Variants in IQCF2 observed in about 807,000 individuals in gnomAD.
IQCF2 encodes IQ motif containing F2.
Under a neutral mutation model 7.0 loss-of-function variants are expected in IQCF2, and 6 were observed. That is an observed-to-expected ratio of 0.86 (90% CI 0.47 to 1.70). The LOEUF (loss-of-function observed/expected upper bound fraction) is 1.70. IQCF2 is among the 40% of genes most tolerant of loss of function. IQCF2 has a pLI of 0.01. For missense variants in IQCF2, 174 were observed against 204.6 expected (o/e 0.85, Z 0.91); for synonymous variants, 67 against 74.0 (o/e 0.91, Z 0.48).
At position 51,862,972 on chromosome 3, in the gene IQCF2, CTT is replaced by C. The variant is rs1305002451; in HGVS notation, c.112-14_112-13del. ...GCAGGAAGTTTTCTGACTGATCGCT[CTT>C]GTCTCTGCCTAGGAAAAACTTAGAA... On this transcript the variant is annotated splice_polypyrimidine_tract_variant and intron_variant, in intron 2 of 2. Coordinates refer to ENST00000333127, the MANE Select transcript of IQCF2 (RefSeq NM_203424.2). 6.3e-7 allele frequency: 1 copy of C among 1,589,256 alleles called. No individual in the cohort carries two copies.
Position 51,863,344 on chromosome 3 carries a change from T to C in IQCF2, c.469T>C (p.Phe157Leu). Reference sequence around the variant, plus strand: ...TGTGGTCACAGCCACTCACCTGCAGTTCCACATTGAGATCATCAACTCCTA... The same window carrying C: ...TGTGGTCACAGCCACTCACCTGCAGCTCCACATTGAGATCATCAACTCCTA... Reference protein sequence around the residue: ...HCVVTATHLQFHIEIINS With the variant: ...HCVVTATHLQLHIEIINS The change falls in exon 3 of 3, where the codon TTC (phenylalanine) becomes CTC (leucine). Residue 157 changes from phenylalanine (F) to leucine (L), a missense_variant. Physicochemically the swap from Phe to Leu is conservative, Grantham distance 22. Coordinates refer to ENST00000333127, the MANE Select transcript of IQCF2 (RefSeq NM_203424.2). The C allele has an allele frequency of 1.9e-6, 3 of 1,613,960 alleles. No individual in the cohort carries two copies. Among genetic ancestry groups the C allele is most frequent in the East Asian group, 2.2e-5 (1 of 44,876 alleles).
rs1356108452 is a variant in IQCF2 at position 51,861,948 on chromosome 3, A to T, written c.109A>T (p.Lys37Ter). Residue 37 changes from lysine (K) to a stop codon, truncating the protein, a stop_gained and splice_region_variant, in exon 2 of 3, where the codon AAG becomes TAG. Coordinates refer to ENST00000333127, the MANE Select transcript of IQCF2 (RefSeq NM_203424.2). LOFTEE classifies it low-confidence loss of function (END_TRUNC). The stretch of plus-strand genomic sequence containing the variant: ...GCAGAAGAAGAAACAGCAGAAAATC[A>T]AGGTGAGAAGAATTCCATGTACTTA... Reference protein sequence around the residue: ...TLQKKKQQKIKEKLRIRTKAA... With the variant: ...TLQKKKQQKI The T allele has an allele frequency of 1.9e-6, 3 of 1,607,338 alleles. No homozygotes were observed. The highest frequency in any genetic ancestry group is 2.6e-6 in the Non-Finnish European group (3 of 1,173,976).
rs375750221 is a variant in IQCF2 at position 51,862,967 on chromosome 3, T to C, written c.112-20T>C. ...TGGTGGCAGGAAGTTTTCTGACTGA[T>C]CGCTCTTGTCTCTGCCTAGGAAAAA... On this transcript the variant is annotated intron_variant, in intron 2 of 2. Transcript: ENST00000333127. 1.3e-6 allele frequency: 2 copies of C among 1,576,982 alleles called. No homozygotes were observed. The highest frequency in any genetic ancestry group is 2.7e-5 in the African/African-American group (2 of 74,018).
intron 1 of IQCF2, 26 bp downstream of exon 1, chr3:51,861,710 G>A (rs1027152718): frequency 6.2e-7 from 1 of 1,613,884 alleles, no homozygotes; most frequent in Non-Finnish European, 8.5e-7. Flanking sequence ...AGATCTATTA[G>A]GTGGACCAGG....
chr3:51,861,792 G>C (rs1348102824), intron 1 of IQCF2, 66 bp from the exon 2 acceptor site: 1 of 1,569,648 alleles, frequency 6.4e-7, no homozygotes, highest in South Asian at 1.1e-5. Context: ...AATTGTCTTT[G>C]TATAGAGCCA....
Position 51,863,157 on chromosome 3 carries a change from C to T in IQCF2, c.282C>T (p.Ile94=), listed in dbSNP as rs1329432638. 10 of 1,614,052 alleles carry T rather than the reference C, an allele frequency of 6.2e-6. No individual in the cohort carries two copies. The highest frequency in any genetic ancestry group is 2.2e-5 in the East Asian group (1 of 44,894). Residue 94 remains isoleucine (I), a synonymous_variant, in exon 3 of 3, where the codon ATC becomes ATT. Transcript: ENST00000333127. The stretch of plus-strand genomic sequence containing the variant: ...AGAAGAAACGGCAGGCAGCTCTGAT[C>T]GCCTACGCAACCAGAGAGAGGGCAG... ...VLEKKRQAAL[I]AYATRERAVI...
rs143988582 is a variant in IQCF2 at position 51,863,345 on chromosome 3, T to C, written c.470T>C (p.Phe157Ser). 0.013 allele frequency: 20,201 copies of C among 1,613,960 alleles called. 244 individuals carry two copies. The highest frequency in any genetic ancestry group is 0.04 in the Middle Eastern group (240 of 6,062). The change falls in exon 3 of 3, where the codon TTC becomes TCC. Residue 157 changes from phenylalanine to serine, a missense_variant. Coordinates refer to ENST00000333127, the MANE Select transcript of IQCF2 (RefSeq NM_203424.2). ...HCVVTATHLQFHIEIINS is the reference protein window; with the variant it reads ...HCVVTATHLQSHIEIINS Reference sequence around the variant, plus strand: ...GTGGTCACAGCCACTCACCTGCAGTTCCACATTGAGATCATCAACTCCTAA... The same window carrying C: ...GTGGTCACAGCCACTCACCTGCAGTCCCACATTGAGATCATCAACTCCTAA...
chr3:51,861,867 A>C lies in IQCF2; in HGVS notation c.28A>C (p.Asn10His), dbSNP rs1291113582. The change falls in exon 2 of 3, where the codon AAT (asparagine) becomes CAT (histidine). Residue 10 changes from asparagine to histidine, a missense_variant. Asn to His is a moderately conservative substitution (Grantham distance 68). Coordinates refer to ENST00000333127, the MANE Select transcript of IQCF2 (RefSeq NM_203424.2). MRVRFCTKG[N>H]LILVIIEDVE... ...TTAATTCTGATGACAGACCAAAGGC[A>C]ATTTAATTTTGGTTATAATTGAGGA... 1 of 1,613,560 alleles carries C rather than the reference A, an allele frequency of 6.2e-7. No individual in the cohort carries two copies.
Position 51,861,843 on chromosome 3 carries a change from TA to T in IQCF2, c.19-13del. 6.2e-7 allele frequency: 1 copy of T among 1,606,480 alleles called. No individual in the cohort carries two copies. Among genetic ancestry groups the T allele is most frequent in the Non-Finnish European group, 8.5e-7 (1 of 1,173,176 alleles). ...TTAACTCATTTATGTACTTCCCATT[TA>T]ATTCTGATGACAGACCAAAGGCAAT... On this transcript the variant is annotated splice_polypyrimidine_tract_variant and intron_variant, in intron 1 of 2. Coordinates refer to ENST00000333127, the MANE Select transcript of IQCF2 (RefSeq NM_203424.2).
intron 2 of IQCF2, among the ~76,000 whole-genome samples, chr3:51,862,402 C>CAAAAAAAAAA (rs3058059): frequency 3.2e-5 from 3 of 93,132 alleles, no homozygotes; most frequent in Non-Finnish European, 3.9e-5. Context: ...GACTCCTTCT[C>CAAAAAAAAAA]AAAAAAAAAA....
intron 2 of IQCF2, 44 bp downstream of exon 2, chr3:51,861,994 T>C (rs562161689): frequency 5.7e-5 from 80 of 1,398,412 alleles, no homozygotes; most frequent in Non-Finnish European, 8.0e-5. Flanking sequence ...AGAACATTTA[T>C]AACTACATCA....
Position 51,863,298 on chromosome 3 carries a change from C to T in IQCF2, c.423C>T (p.Cys141=), listed in dbSNP as rs768594895. The change falls in exon 3 of 3, where the codon TGC becomes TGT. Residue 141 remains cysteine, a synonymous_variant. Coordinates refer to ENST00000333127, the MANE Select transcript of IQCF2 (RefSeq NM_203424.2). ...GGCAATGCCACAACTGCCAGACCTG[C>T]GCTCTCCTCCAGGGCCACTGTGTGG... ...GHWQCHNCQT[C]ALLQGHCVVT... The T allele has an allele frequency of 1.4e-5, 23 of 1,614,190 alleles. No homozygotes were observed. The highest frequency in any genetic ancestry group is 7.7e-5 in the South Asian group (7 of 91,090).
intron 2 of IQCF2, 112 bp downstream of exon 2, chr3:51,862,062 G>A (rs529267005): frequency 1.5e-5 from 11 of 729,592 alleles, no homozygotes; most frequent in Non-Finnish European, 2.5e-5. Flanking sequence ...TCAACTCAAT[G>A]TTGGCTCATT....
At position 51,861,951 on chromosome 3, in the gene IQCF2, G is replaced by T. The variant is rs771359106; in HGVS notation, c.111+1G>T. Reference sequence around the variant, plus strand: ...GAAGAAGAAACAGCAGAAAATCAAGGTGAGAAGAATTCCATGTACTTAAGA... The same window carrying T: ...GAAGAAGAAACAGCAGAAAATCAAGTTGAGAAGAATTCCATGTACTTAAGA... On this transcript the variant is annotated splice_donor_variant, in intron 2 of 2. Transcript: ENST00000333127. LOFTEE classifies it high-confidence loss of function. 2 of 1,606,536 alleles carry T rather than the reference G, an allele frequency of 1.2e-6. No individual in the cohort carries two copies. The highest frequency in any genetic ancestry group is 1.3e-5 in the African/African-American group (1 of 74,894).
Position 51,863,364 on chromosome 3 carries a change from C to T in IQCF2, c.489C>T (p.Asn163=). ...THLQFHIEII[N]S ...TGCAGTTCCACATTGAGATCATCAACTCCTAAGGGCTGGCAAGAAGGGCAC... is the reference window on the plus strand; with the variant it reads ...TGCAGTTCCACATTGAGATCATCAATTCCTAAGGGCTGGCAAGAAGGGCAC... Residue 163 remains asparagine, a synonymous_variant, in exon 3 of 3, where the codon AAC becomes AAT. Transcript: ENST00000333127. 1.9e-6 allele frequency: 3 copies of T among 1,612,950 alleles called. No homozygotes were observed. The highest frequency in any genetic ancestry group is 2.5e-6 in the Non-Finnish European group (3 of 1,179,446).
Position 51,863,168 on chromosome 3 carries a change from C to A in IQCF2, c.293C>A (p.Thr98Asn), listed in dbSNP as rs1217212304. ...CAGGCAGCTCTGATCGCCTACGCAACCAGAGAGAGGGCAGTGATCAAGCTC... is the reference window on the plus strand; with the variant it reads ...CAGGCAGCTCTGATCGCCTACGCAAACAGAGAGAGGGCAGTGATCAAGCTC... ...KRQAALIAYA[T>N]RERAVIKLQS... Residue 98 changes from threonine (T) to asparagine (N), a missense_variant, in exon 3 of 3, where the codon ACC (threonine) becomes AAC (asparagine). Physicochemically the swap from Thr to Asn is moderately conservative, Grantham distance 65. Transcript: ENST00000333127. The A allele has an allele frequency of 1.9e-6, 3 of 1,614,092 alleles. No individual in the cohort carries two copies. Among genetic ancestry groups the A allele is most frequent in the East Asian group, 4.5e-5 (2 of 44,886 alleles).
intron 2 of IQCF2, among the ~76,000 whole-genome samples, 192 bp from the exon 3 acceptor site, chr3:51,862,795 T>G (rs1698652221): frequency 6.6e-6 from 1 of 152,214 alleles, no homozygotes; most frequent in Non-Finnish European, 1.5e-5. Context: ...ACTCTAAGAT[T>G]GAAGTGATGT....
At chr3:51,862,752 C>T (rs992501074) in intron 2 of IQCF2, among the ~76,000 whole-genome samples, 6 of 152,212 alleles carry the variant, frequency 3.9e-5, no homozygotes, top group African/African-American at 1.4e-4. Context: ...TTGATCCATG[C>T]ACTGCAGAAA....
At chr3:51,862,163 G>T (rs1474737005) in intron 2 of IQCF2, among the ~76,000 whole-genome samples, 1 of 152,050 alleles carries the variant, frequency 6.6e-6, no homozygotes, top group Non-Finnish European at 1.5e-5. Flanking sequence ...GCCTTGGGAG[G>T]CCGAGACAGG....
Sources: allele counts gnomAD v4.1 joint callset (sites outside exome capture counted in the v4.1 genomes callset), GRCh38; gene constraint gnomAD v4.1.1; transcripts MANE v1.5; gene names NCBI Gene and HGNC (gene_info 2026-07-23, HGNC 2026-07-21).